GNG12: variants seen among roughly 807,000 people sequenced by gnomAD.
GNG12 encodes G protein subunit gamma 12, also known as guanine nucleotide-binding protein G(I)/G(S)/G(O) subunit gamma-12.
For synonymous variants in GNG12, 28 were observed against 29.7 expected, an observed-to-expected ratio of 0.94 and a Z score of 0.19; for missense variants, 69 against 83.8, an observed-to-expected ratio of 0.82 and a Z score of 0.69.
chr1:67,799,788 T>C (rs1163179451), intron 1 of GNG12, among the ~76,000 whole-genome samples: 1 of 152,236 alleles, frequency 6.6e-6, no homozygotes, highest in Non-Finnish European at 1.5e-5. Flanking sequence ...AAAACAATGT[T>C]TTCCAAAACA....
chr1:67,800,585 T>C (rs1397803153), intron 1 of GNG12, among the ~76,000 whole-genome samples: 1 of 152,238 alleles, frequency 6.6e-6, no homozygotes, highest in Non-Finnish European at 1.5e-5. Context: ...AGAAGAGCTT[T>C]AGTTTCCTTA....
At chr1:67,735,046 G>T (rs1032813908) in intron 2 of GNG12, among the ~76,000 whole-genome samples, 1 of 151,800 alleles carries the variant, frequency 6.6e-6, no homozygotes, top group African/African-American at 2.4e-5. Flanking sequence ...AGTAGAGATG[G>T]GGTTCCATCT....
chr1:67,733,395 A>G (rs529815108), intron 2 of GNG12, among the ~76,000 whole-genome samples: 1 of 152,158 alleles, frequency 6.6e-6, no homozygotes, highest in South Asian at 2.1e-4. Context: ...TCAAACTTCC[A>G]TATCCTCTTC....
chr1:67,801,939 G>A (rs1646868187), intron 1 of GNG12, among the ~76,000 whole-genome samples: 1 of 148,654 alleles, frequency 6.7e-6, no homozygotes, highest in Non-Finnish European at 1.5e-5. Context: ...GAAGGGGGAA[G>A]GAAAAAAGAA....
chr1:67,753,062 C>T (rs1168565410), intron 2 of GNG12, among the ~76,000 whole-genome samples: 2 of 152,210 alleles, frequency 1.3e-5, no homozygotes, highest in Admixed American at 1.3e-4. Flanking sequence ...GTGCCCTCTT[C>T]CCTACTTAGC....
intron 2 of GNG12, among the ~76,000 whole-genome samples, chr1:67,762,095 T>C (rs1646608925): frequency 6.6e-6 from 1 of 152,200 alleles, no homozygotes; most frequent in South Asian, 2.1e-4. Flanking sequence ...TAGAATGCTC[T>C]GCTAGCTTTT....
chr1:67,805,942 G>A (rs1159909798), intron 1 of GNG12, among the ~76,000 whole-genome samples: 1 of 150,946 alleles, frequency 6.6e-6, no homozygotes, highest in Non-Finnish European at 1.5e-5. Flanking sequence ...CCAAGGATAA[G>A]TACATTGACT....
chr1:67,752,114 A>G (rs1382471032), intron 2 of GNG12, among the ~76,000 whole-genome samples: 1 of 152,210 alleles, frequency 6.6e-6, no homozygotes, highest in African/African-American at 2.4e-5. Context: ...CTTTAATGAG[A>G]AGTTCTGATA....
chr1:67,721,793 C>T (rs1646357958), intron 2 of GNG12, among the ~76,000 whole-genome samples: 1 of 152,150 alleles, frequency 6.6e-6, no homozygotes, highest in East Asian at 1.9e-4. Context: ...TGGTCTGTGG[C>T]CCTTTTGATA....
chr1:67,702,345 A>T lies in GNG12; in HGVS notation c.*3106T>A, dbSNP rs547206189. ...AAAATTCAGAGGAATTAGTCAGATA[A>T]CACTATTTTAGTTATAAATTGAGAA... On this transcript the variant is annotated 3_prime_UTR_variant, in exon 4 of 4. Transcript: ENST00000370982. 11 of 152,352 alleles carry T rather than the reference A, an allele frequency of 7.2e-5. No homozygotes were observed. In the East Asian group the frequency reaches 2.1e-3, roughly 29 times the overall value. 9.4% of individuals were successfully genotyped at this position (152,352 alleles called of 1,614,324 possible).
At chr1:67,803,365 A>G (rs986402367) in intron 1 of GNG12, among the ~76,000 whole-genome samples, 1 of 152,056 alleles carries the variant, frequency 6.6e-6, no homozygotes, top group Non-Finnish European at 1.5e-5. Context: ...TAAAAAAAAA[A>G]TTTTTTTTAA....
At chr1:67,766,098 G>GCGCACACACACA (rs1307715972) in intron 2 of GNG12, among the ~76,000 whole-genome samples, 31 of 100,800 alleles carry the variant, frequency 3.1e-4, no homozygotes, top group African/African-American at 1.3e-3. Flanking sequence ...ACAAAACAAG[G>GCGCACACACACA]CACACACGCA....
In GNG12 at chr1:67,737,900, C is replaced by T. The variant is rs138140408; in HGVS notation, c.-26-30188G>A. 5.3e-5 allele frequency among the ~76,000 whole-genome samples: 8 copies of T among 152,234 alleles called. No individual in the cohort carries two copies. The East Asian group carries it at 1.4e-3, about 26-fold the overall frequency. On this transcript the variant is annotated intron_variant, in intron 2 of 3. Coordinates refer to ENST00000370982, the MANE Select transcript of GNG12 (RefSeq NM_018841.6). ...CTTGCCTGCACACTTTGAACCTTTG[C>T]ATTAAATGGCCTCTAAGATTCTTTT...
Position 67,754,749 on chromosome 1 carries a change from C to T in GNG12, c.-27+22709G>A, listed in dbSNP as rs141648775. ...GTCTCTCCCATCAGGATACCGAGCA[C>T]ACTTGTTGGTCTTCTGCATTAGAGG... On this transcript the variant is annotated intron_variant, in intron 2 of 3. Transcript: ENST00000370982. Among the ~76,000 whole-genome samples, 256 of 152,336 alleles carry T rather than the reference C, an allele frequency of 1.7e-3. 1 individual carries two copies. Among genetic ancestry groups the T allele is most frequent in the African/African-American group, 5.9e-3 (245 of 41,578 alleles).
chr1:67,799,269 T>G (rs1334751315), intron 1 of GNG12, among the ~76,000 whole-genome samples: 1 of 152,210 alleles, frequency 6.6e-6, no homozygotes, highest in Non-Finnish European at 1.5e-5. Context: ...TACCAAATAG[T>G]CTGAGTCTGC....
At chr1:67,720,477 C>T (rs1303291694) in intron 2 of GNG12, among the ~76,000 whole-genome samples, 8 of 152,180 alleles carry the variant, frequency 5.3e-5, no homozygotes, top group African/African-American at 1.9e-4. Context: ...CTGATATCTG[C>T]ATGGCTGGCT....
At chr1:67,797,429 G>T (rs1646838238) in intron 1 of GNG12, among the ~76,000 whole-genome samples, 2 of 152,152 alleles carry the variant, frequency 1.3e-5, no homozygotes, top group African/African-American at 2.4e-5. Flanking sequence ...CCATTCAGAA[G>T]CAAGAAGTCC....
chr1:67,832,776 C>T (rs755312469), intron 1 of GNG12, among the ~76,000 whole-genome samples: 1 of 152,182 alleles, frequency 6.6e-6, no homozygotes, highest in African/African-American at 2.4e-5. Flanking sequence ...ACCCCCAGCG[C>T]CCAGCGGATT....
intron 1 of GNG12, among the ~76,000 whole-genome samples, chr1:67,816,405 C>T (rs561488146): frequency 7.8e-4 from 119 of 152,336 alleles, no homozygotes; most frequent in African/African-American, 2.8e-3. Context: ...AACAGATTCA[C>T]TGCTCTTTGG....
Sources: gnomAD v4.1 joint callset for allele counts (sites outside exome capture counted in the v4.1 genomes callset) on GRCh38, gnomAD v4.1.1 for gene constraint, MANE v1.5 for transcripts, NCBI Gene and HGNC (gene_info 2026-07-23, HGNC 2026-07-21) for gene names.